The following VGLL4 variants were observed in gnomAD, a reference collection of about 807,000 sequenced individuals.
The protein encoded by VGLL4 is transcription cofactor vestigial-like protein 4.
Under a neutral mutation model 21.0 loss-of-function variants are expected in VGLL4, and 7 were observed. The observed-to-expected ratio is 0.33, with a 90% CI of 0.19 to 0.63. The LOEUF (loss-of-function observed/expected upper bound fraction) is 0.63. Ranked by LOEUF, VGLL4 falls within the 20% of genes least tolerant of loss-of-function variation. The probability of loss-of-function intolerance (pLI) is 0.78; values close to 1 mark genes in which losing one functional copy is unlikely to be tolerated. For missense variants in VGLL4, 394 were observed against 425.7 expected (o/e 0.93, Z 0.66); for synonymous variants, 222 against 173.2 (o/e 1.28, Z -2.21).
intron 2 of VGLL4, among the ~76,000 whole-genome samples, chr3:11,595,015 G>C (rs2074600122): frequency 6.6e-6 from 1 of 152,150 alleles, no homozygotes; most frequent in Non-Finnish European, 1.5e-5. Context: ...TACAAAATTA[G>C]CCGGGCATGG....
At chr3:11,721,093 C>T (rs746324668), upstream of VGLL4, 9 of 152,220 alleles carry the variant, frequency 5.9e-5, no homozygotes, top group Non-Finnish European at 8.8e-5. Flanking sequence ...TGTTCTCAAA[C>T]CTCAGTCATT....
intron 2 of VGLL4, among the ~76,000 whole-genome samples, chr3:11,678,861 T>C (rs35683465): frequency 0.53 from 80,460 of 152,088 alleles, 22,360 homozygotes; most frequent in Non-Finnish European, 0.63. Flanking sequence ...CAATGACAGA[T>C]GGCATATGCC....
rs558096557 is a variant in VGLL4 at position 11,654,916 on chromosome 3, G to A, written c.64+48055C>T. Reference sequence around the variant, plus strand: ...TTTTTGTTGAAAAATATTCAATTAAGTCAAATAATGGCCAATACCACAAAA... The same window carrying A: ...TTTTTGTTGAAAAATATTCAATTAAATCAAATAATGGCCAATACCACAAAA... On this transcript the variant is annotated intron_variant, in intron 2 of 5. Coordinates refer to the VGLL4 transcript ENST00000273038. 1.2e-4 allele frequency among the ~76,000 whole-genome samples: 18 copies of A among 152,282 alleles called. No homozygotes were observed. In the East Asian group the frequency reaches 3.1e-3, roughly 26 times the overall value.
rs1445826070 is a variant in VGLL4 at position 11,653,752 on chromosome 3, T to C, written c.64+49219A>G. 6.6e-6 allele frequency among the ~76,000 whole-genome samples: 1 copy of C among 152,192 alleles called. No homozygotes were observed. The highest frequency in any genetic ancestry group is 1.5e-5 in the Non-Finnish European group (1 of 68,032). On this transcript the variant is annotated intron_variant, in intron 2 of 5. Transcript: ENST00000273038. The surrounding 1 kb of genome is among the most constrained non-coding windows in gnomAD (Gnocchi z 4.2). ...ATACTCCTACCAGCAGGGTATGAGA[T>C]TTCAAGTTGCTCCCCATCCTTGCCA...
intron 1 of VGLL4, among the ~76,000 whole-genome samples, chr3:11,628,877 T>C (rs1215013602): frequency 6.6e-6 from 1 of 152,164 alleles, no homozygotes; most frequent in Non-Finnish European, 1.5e-5. Context: ...AATTTAAATA[T>C]GAGATACTAC....
chr3:11,592,495 C>T (rs926848536), intron 2 of VGLL4, among the ~76,000 whole-genome samples: 1 of 152,124 alleles, frequency 6.6e-6, no homozygotes, highest in African/African-American at 2.4e-5. Context: ...GCCTCCACCC[C>T]TTTACTTCCC....
intron 2 of VGLL4, among the ~76,000 whole-genome samples, chr3:11,683,816 A>T (rs544639896): frequency 6.6e-6 from 1 of 152,120 alleles, no homozygotes; most frequent in South Asian, 2.1e-4. Context: ...TTGTAAAAAT[A>T]ACTCAACTCT....
At chr3:11,657,686 GTTAAGGAGACTAACCCTTTCACCCA>G (rs2075977303) in intron 2 of VGLL4, among the ~76,000 whole-genome samples, 1 of 152,134 alleles carries the variant, frequency 6.6e-6, no homozygotes, top group East Asian at 1.9e-4. Context: ...CTACTAGAGG[GTTAAGGAGACTAACCCTTTCACCCA>G]TAAAAGTTTC....
intron 2 of VGLL4, among the ~76,000 whole-genome samples, chr3:11,654,826 G>T (rs2075931948): frequency 6.6e-6 from 1 of 152,104 alleles, no homozygotes; most frequent in South Asian, 2.1e-4. Context: ...AAAACAAGCA[G>T]GTGGTTTAGA....
At chr3:11,680,995 T>C (rs1261838754) in intron 2 of VGLL4, among the ~76,000 whole-genome samples, 1 of 152,060 alleles carries the variant, frequency 6.6e-6, no homozygotes, top group Non-Finnish European at 1.5e-5. Context: ...CCTTCCCTTC[T>C]CTTTCTATGG....
intron 2 of VGLL4, among the ~76,000 whole-genome samples, chr3:11,680,969 C>G (rs1343202676): frequency 6.6e-6 from 1 of 152,244 alleles, no homozygotes; most frequent in East Asian, 1.9e-4. Flanking sequence ...CTCCCACTCC[C>G]CCGCCCCCAC....
At chr3:11,606,996 G>A (rs959755264) in intron 1 of VGLL4, among the ~76,000 whole-genome samples, 2 of 152,198 alleles carry the variant, frequency 1.3e-5, no homozygotes, top group African/African-American at 2.4e-5. Context: ...AACCAACTCC[G>A]GACACAGCAT....
chr3:11,659,326 CTTTTTTTTTTT>C (rs5846714), intron 2 of VGLL4, among the ~76,000 whole-genome samples: 7 of 70,830 alleles, frequency 9.9e-5, no homozygotes, highest in African/African-American at 3.2e-4. Flanking sequence ...TTTTCTTTTT[CTTTTTTTTTTT>C]TTTTTTTTTT....
chr3:11,704,194 A>G (rs2076724486), intron 1 of VGLL4, among the ~76,000 whole-genome samples: 1 of 152,178 alleles, frequency 6.6e-6, no homozygotes, highest in Admixed American at 6.5e-5. Flanking sequence ...CAGCCTGAAC[A>G]ACATGGAGAA....
intron 1 of VGLL4, among the ~76,000 whole-genome samples, chr3:11,616,796 T>C (rs1325117836): frequency 6.6e-6 from 1 of 152,234 alleles, no homozygotes; most frequent in Non-Finnish European, 1.5e-5. Context: ...ACACAGATGT[T>C]TGAGATCTGG....
In VGLL4 at chr3:11,719,278, C is replaced by G. The variant is rs1330601580; in HGVS notation, c.-14+1116G>C. 3 of 152,330 alleles carry G rather than the reference C, an allele frequency of 2.0e-5. No homozygotes were observed. Among genetic ancestry groups the G allele is most frequent in the Admixed American group, 2.0e-4 (3 of 15,284 alleles). 9.4% of individuals were successfully genotyped at this position (152,330 alleles called of 1,614,324 possible). Reference sequence around the variant, plus strand: ...TCCGCTCCCACCGGCGCCTCCCGAGCGGCCCGGCAAGGACCCGCCACCTCC... The same window carrying G: ...TCCGCTCCCACCGGCGCCTCCCGAGGGGCCCGGCAAGGACCCGCCACCTCC... On this transcript the variant is annotated intron_variant, in intron 1 of 5. Coordinates refer to the VGLL4 transcript ENST00000273038. The surrounding 1 kb of genome is among the most constrained non-coding windows in gnomAD (Gnocchi z 4.0).
rs750018493 is a variant in VGLL4 at position 11,601,998 on chromosome 3, G to A, written c.107C>T (p.Pro36Leu). 1.3e-6 allele frequency: 2 copies of A among 1,583,760 alleles called. No individual in the cohort carries two copies. The highest frequency in any genetic ancestry group is 8.6e-7 in the Non-Finnish European group (1 of 1,168,862). ...GGCCACCGGCAGGGTCTGTATTCTG[G>A]GTTCTCCCCTGAGAGCAGCTTCGCC... ...YEGEAALRGE[P>L]RIQTLPVASA... Residue 36 changes from proline to leucine, a missense_variant, in exon 2 of 5, where the codon CCC (proline) becomes CTC (leucine). Transcript: ENST00000430365.
upstream of VGLL4, among the ~76,000 whole-genome samples, chr3:11,645,600 T>A (rs1160659221): frequency 3.2e-5 from 1 of 31,326 alleles, no homozygotes; most frequent in African/African-American, 1.1e-4. Flanking sequence ...CGAGACTCCG[T>A]CTCAAAAAAA....
Position 11,557,189 on chromosome 3 carries a change from CTG to C in VGLL4, c.*1365_*1366del, listed in dbSNP as rs1325138285. 1 of 152,782 alleles carries C rather than the reference CTG, an allele frequency of 6.5e-6. No homozygotes were observed. Among genetic ancestry groups the C allele is most frequent in the Non-Finnish European group, 1.5e-5 (1 of 68,046 alleles). 9.5% of individuals were successfully genotyped at this position (152,782 alleles called of 1,614,324 possible). ...GCAGCTGTGACCTCCACAGCTGTGT[CTG>C]TCATGCTTGCTTCATCTAATTTCTA... On this transcript the variant is annotated 3_prime_UTR_variant, in exon 5 of 5. Transcript: ENST00000430365.
Sources: gnomAD v4.1 joint callset for allele counts (sites outside exome capture counted in the v4.1 genomes callset) on GRCh38, gnomAD v4.1.1 for gene constraint, Gnocchi (gnomAD v3.1) non-coding constraint, MANE v1.5 for transcripts, NCBI Gene and HGNC (gene_info 2026-07-23, HGNC 2026-07-21) for gene names.